ANKHD1: variants seen among roughly 807,000 people sequenced by gnomAD.
ANKHD1 encodes ankyrin repeat and KH domain containing 1.
ANKHD1 carries 31 observed loss-of-function variants against 230.5 expected under a neutral mutation model. That is an observed-to-expected ratio of 0.13 (90% CI 0.10 to 0.18). ANKHD1 has a LOEUF of 0.18. ANKHD1 is among the 10% of genes least tolerant of loss of function. The pLI is 1.00. For synonymous variants in ANKHD1, 1,074 were observed against 1,117.6 expected, an observed-to-expected ratio of 0.96 and a Z score of 0.78; for missense variants, 2,256 against 3,071.3, an observed-to-expected ratio of 0.73 and a Z score of 6.27.
At chr5:140,537,898 T>C (rs922613294) in intron 31 of ANKHD1, among the ~76,000 whole-genome samples, 188 bp from the exon 32 acceptor site, 3 of 152,176 alleles carry the variant, frequency 2.0e-5, no homozygotes, top group Admixed American at 1.3e-4. Flanking sequence ...AAGTGGAGTA[T>C]TCAGAGGACT....
intron 1 of ANKHD1, among the ~76,000 whole-genome samples, chr5:140,435,690 T>G (rs1437998053): frequency 6.6e-6 from 1 of 152,016 alleles, no homozygotes; most frequent in Non-Finnish European, 1.5e-5. Context: ...CTGCTTTTCT[T>G]TTTTCAGTAT....
chr5:140,403,472 C>T (rs958216967), intron 1 of ANKHD1, among the ~76,000 whole-genome samples: 2 of 151,786 alleles, frequency 1.3e-5, no homozygotes, highest in Non-Finnish European at 2.9e-5. Context: ...AGTGCAGTGG[C>T]GCGATCTCGG....
chr5:140,475,172 A>G (rs1008554907), intron 10 of ANKHD1, among the ~76,000 whole-genome samples: 1 of 152,232 alleles, frequency 6.6e-6, no homozygotes, highest in Non-Finnish European at 1.5e-5. Flanking sequence ...ACTTCAGTCA[A>G]GAAGGTAAAG....
chr5:140,449,352 C>T (rs954053839), intron 7 of ANKHD1, 47 bp downstream of exon 7: 12 of 1,581,256 alleles, frequency 7.6e-6, no homozygotes, highest in Non-Finnish European at 1.0e-5. Flanking sequence ...AAGAAAAGGT[C>T]GTATGTGTTT....
At chr5:140,534,129 A>G (rs905362232) in intron 29 of ANKHD1, among the ~76,000 whole-genome samples, 2 of 152,152 alleles carry the variant, frequency 1.3e-5, no homozygotes, top group Non-Finnish European at 2.9e-5. Context: ...GCCGTGGCTC[A>G]CACCTGTAAC....
chr5:140,499,172 G>A (rs1022958658), intron 15 of ANKHD1, among the ~76,000 whole-genome samples: 3 of 151,734 alleles, frequency 2.0e-5, no homozygotes, highest in Non-Finnish European at 4.4e-5. Flanking sequence ...GAACTATATG[G>A]CAGTAATTAT....
At chr5:140,442,363 A>G (rs910322859) in intron 5 of ANKHD1, among the ~76,000 whole-genome samples, 1 of 152,150 alleles carries the variant, frequency 6.6e-6, no homozygotes, top group East Asian at 1.9e-4. Context: ...TTGTATAGCA[A>G]CAGTCCCCAA....
chr5:140,458,541 T>C (rs1775393219), intron 7 of ANKHD1, 84 bp from the exon 8 acceptor site: 1 of 1,401,284 alleles, frequency 7.1e-7, no homozygotes, highest in Non-Finnish European at 9.7e-7. Flanking sequence ...CTTTTTCCAA[T>C]CTCTTGCTTT....
Position 140,535,432 on chromosome 5 carries a change from C to T in ANKHD1, c.6921C>T (p.Gly2307=). The change falls in exon 30 of 34, where the codon GGC becomes GGT. Residue 2307 remains glycine, a synonymous_variant. Transcript: ENST00000360839. ...CTGCTCCTCTGGCAAGTTTTTCCGG[C>T]ATACCAGGAACAAGGGTTTTCCTGC... is the stretch of plus-strand genomic sequence containing the variant. ...SSSAPLASFS[G]IPGTRVFLQG... is the part of the protein sequence containing the mutation. The T allele has an allele frequency of 6.2e-7, 1 of 1,613,794 alleles. No homozygotes were observed.
chr5:140,534,000 A>T (rs1051643638), intron 29 of ANKHD1, among the ~76,000 whole-genome samples: 1 of 152,142 alleles, frequency 6.6e-6, no homozygotes, highest in Non-Finnish European at 1.5e-5. Flanking sequence ...TGCCTACCAC[A>T]ATAATGAAAG....
intron 1 of ANKHD1, among the ~76,000 whole-genome samples, chr5:140,412,990 G>A (rs1561680742): frequency 6.6e-6 from 1 of 152,160 alleles, no homozygotes; most frequent in African/African-American, 2.4e-5. Flanking sequence ...GTTTTCAGTA[G>A]TAGAAAGGAT....
At chr5:140,521,266 C>T (rs540270092) in intron 24 of ANKHD1, among the ~76,000 whole-genome samples, 2 of 152,180 alleles carry the variant, frequency 1.3e-5, no homozygotes, top group South Asian at 4.1e-4. Context: ...AGTTTGCTTA[C>T]AGTCATTGAG....
intron 15 of ANKHD1, among the ~76,000 whole-genome samples, chr5:140,503,553 C>CTTTTTTTTTTTTTTTTTTTTTTTTTTTT (rs70988767): frequency 3.9e-5 from 2 of 51,412 alleles, no homozygotes; most frequent in Non-Finnish European, 3.3e-5. Flanking sequence ...AGTTTTCTTT[C>CTTTTTTTTTTTTTTTTTTTTTTTTTTTT]TTTTTTTTTT....
chr5:140,421,550 C>T (rs1561694651), intron 1 of ANKHD1, among the ~76,000 whole-genome samples: 1 of 152,240 alleles, frequency 6.6e-6, no homozygotes, highest in East Asian at 1.9e-4. Flanking sequence ...ATCCACCCAC[C>T]TTGGCCTCCC....
chr5:140,411,049 TTAAA>T (rs1490150709), intron 1 of ANKHD1, among the ~76,000 whole-genome samples: 1 of 152,220 alleles, frequency 6.6e-6, no homozygotes, highest in Non-Finnish European at 1.5e-5. Context: ...ATGCTGTTTT[TTAAA>T]TAAATCATTG....
At chr5:140,491,154 ATATATATTTTTT>A (rs1338073124) in intron 14 of ANKHD1, among the ~76,000 whole-genome samples, 38 of 98,114 alleles carry the variant, frequency 3.9e-4, no homozygotes, top group African/African-American at 1.5e-3. Flanking sequence ...ATATATATAT[ATATATATTTTTT>A]TTTTTTTTTT....
At chr5:140,448,759 A>G (rs1276724549) in intron 6 of ANKHD1, among the ~76,000 whole-genome samples, 1 of 152,130 alleles carries the variant, frequency 6.6e-6, no homozygotes, top group African/African-American at 2.4e-5. Flanking sequence ...AAGGCTTTTT[A>G]TATATTCACT....
At chr5:140,497,473 T>A (rs1407589971) in intron 15 of ANKHD1, among the ~76,000 whole-genome samples, 195 bp downstream of exon 15, 1 of 152,246 alleles carries the variant, frequency 6.6e-6, no homozygotes, top group African/African-American at 2.4e-5. Flanking sequence ...TTTCCCCTCT[T>A]CTTTTTTGTC....
At position 140,527,671 on chromosome 5, in the gene ANKHD1, G is replaced by A. The variant is rs1391236341; in HGVS notation, c.5088-202G>A. Among the ~76,000 whole-genome samples, 1 of 152,154 alleles carries A rather than the reference G, an allele frequency of 6.6e-6. No individual in the cohort carries two copies. Among genetic ancestry groups the A allele is most frequent in the Non-Finnish European group, 1.5e-5 (1 of 68,040 alleles). On this transcript the variant is annotated intron_variant, in intron 27 of 33. Transcript: ENST00000360839. The surrounding 1 kb of genome is among the most constrained non-coding windows in gnomAD (Gnocchi z 4.5). ...TAAAATTAGGTTCTCTGAAACTGCA[G>A]AGCAATGTAATTTTTAACTTTACTA...
Sources: gnomAD v4.1 joint callset for allele counts (sites outside exome capture counted in the v4.1 genomes callset) on GRCh38, gnomAD v4.1.1 for gene constraint, Gnocchi (gnomAD v3.1) non-coding constraint, MANE v1.5 for transcripts, NCBI Gene and HGNC (gene_info 2026-07-23, HGNC 2026-07-21) for gene names.